Variants in PPEF2 observed in about 807,000 individuals in gnomAD.
PPEF2 encodes protein phosphatase with EF-hand domain 2.
PPEF2 carries 84 observed loss-of-function variants against 84.7 expected under a neutral mutation model. That is an observed-to-expected ratio of 0.99 (90% CI 0.83 to 1.19). PPEF2 has a LOEUF of 1.19. Among genes scored for constraint, PPEF2 ranks in the 50% most tolerant of loss-of-function variants. PPEF2 has a pLI of 0.00. For missense variants in PPEF2, 924 were observed against 937.5 expected, an observed-to-expected ratio of 0.99 and a Z score of 0.19; for synonymous variants, 346 against 345.2, an observed-to-expected ratio of 1.00 and a Z score of -0.03.
In PPEF2 at chr4:75,866,291, T is replaced by C. The variant is rs1724129654; in HGVS notation, c.1818A>G (p.Pro606=). 4 of 1,614,194 alleles carry C rather than the reference T, an allele frequency of 2.5e-6. No homozygotes were observed. The highest frequency in any genetic ancestry group is 3.4e-6 in the Non-Finnish European group (4 of 1,180,040). The part of the protein sequence containing the change: ...AVESVLHLGL[P]WRMLRPQLVN... ...CCAGCTGTGGCCTCAGCATCCGCCA[T>C]GGCAGTCCTAGGTGCAACACAGACT... The change falls in exon 15 of 17, where the codon CCA becomes CCG. Residue 606 remains proline (P), a synonymous_variant. Coordinates refer to ENST00000286719, the MANE Select transcript of PPEF2 (RefSeq NM_006239.3).
At chr4:75,876,774 G>A (rs2149218825) in intron 10 of PPEF2, 101 bp from the exon 11 acceptor site, 3 of 1,306,670 alleles carry the variant, frequency 2.3e-6, no homozygotes, top group South Asian at 1.7e-5. Context: ...GGGAGACTGA[G>A]CCCAGCAGAA....
Position 75,902,229 on chromosome 4 carries a change from C to A in PPEF2, c.-59+1G>T, listed in dbSNP as rs1725138128. ...CTTTAGGCTAGACAGAAAGTTCTTA[C>A]CTTCTTTGCTGGGTTTTTTATTTAC... On this transcript the variant is annotated splice_donor_variant, in intron 1 of 16. Coordinates refer to ENST00000286719, the MANE Select transcript of PPEF2 (RefSeq NM_006239.3). LOFTEE classifies it low-confidence loss of function (5UTR_SPLICE). The A allele has an allele frequency of 2.0e-5, 3 of 152,232 alleles. No individual in the cohort carries two copies. Among genetic ancestry groups the A allele is most frequent in the Non-Finnish European group, 4.4e-5 (3 of 68,044 alleles). 9.4% of individuals were successfully genotyped at this position (152,232 alleles called of 1,614,324 possible).
rs1464358614 is a variant in PPEF2 at position 75,864,540 on chromosome 4, A to C, written c.1921-13T>G. On this transcript the variant is annotated splice_polypyrimidine_tract_variant and intron_variant, in intron 15 of 16. Coordinates refer to ENST00000286719, the MANE Select transcript of PPEF2 (RefSeq NM_006239.3). ...TTGATTGTATGTTCTGCAAGAAAAA[A>C]TTCATTTTCCTTCTTTGTCATACGT... The C allele has an allele frequency of 6.3e-7, 1 of 1,592,312 alleles. No individual in the cohort carries two copies. Among genetic ancestry groups the C allele is most frequent in the East Asian group, 2.2e-5 (1 of 44,728 alleles).
chr4:75,861,430 T>C (rs1424563327), intron 16 of PPEF2, among the ~76,000 whole-genome samples: 1 of 116,188 alleles, frequency 8.6e-6, no homozygotes, highest in African/African-American at 2.6e-5. Flanking sequence ...AATAGTTTTT[T>C]TCAACAATGA....
intron 4 of PPEF2, 85 bp from the exon 5 acceptor site, chr4:75,890,217 A>G: frequency 6.8e-7 from 1 of 1,466,848 alleles, no homozygotes; most frequent in South Asian, 1.3e-5. Context: ...TTGGCTGGGC[A>G]CGGTGGCTCT....
At chr4:75,874,519 G>T (rs893837188) in intron 11 of PPEF2, among the ~76,000 whole-genome samples, 2 of 151,878 alleles carry the variant, frequency 1.3e-5, no homozygotes, top group Non-Finnish European at 2.9e-5. Flanking sequence ...GTCTGTTCTC[G>T]AATTCCTAAC....
intron 10 of PPEF2, among the ~76,000 whole-genome samples, chr4:75,877,330 TC>T (rs1724452410): frequency 7.5e-6 from 1 of 132,488 alleles, no homozygotes; most frequent in African/African-American, 2.9e-5. Context: ...AGAGTGAAAC[TC>T]CATCTCAAAA....
chr4:75,887,084 T>C (rs1724747768), intron 6 of PPEF2, among the ~76,000 whole-genome samples, 186 bp from the exon 7 acceptor site: 1 of 152,210 alleles, frequency 6.6e-6, no homozygotes, highest in Non-Finnish European at 1.5e-5. Context: ...GCAGAAGGCA[T>C]AATATTTTTT....
At chr4:75,886,711 C>A (rs562413899) in intron 7 of PPEF2, 141 bp downstream of exon 7, 3 of 388,562 alleles carry the variant, frequency 7.7e-6, no homozygotes, top group African/African-American at 4.4e-5. Context: ...CAGATTGAGA[C>A]CCCCATCTCA....
intron 10 of PPEF2, chr4:75,881,740 A>G (rs1443282558): frequency 6.6e-6 from 1 of 152,194 alleles, no homozygotes; most frequent in Non-Finnish European, 1.5e-5. Flanking sequence ...GAGTAACAAG[A>G]AACCTGGGTC....
chr4:75,864,521 G>T lies in PPEF2; in HGVS notation c.1927C>A (p.Gln643Lys), dbSNP rs1384609620. The change falls in exon 16 of 17, where the codon CAA becomes AAA. Residue 643 changes from glutamine to lysine, a missense_variant. Physicochemically the swap from Gln to Lys is moderately conservative, Grantham distance 53. Transcript: ENST00000286719. The part of the protein sequence containing the change: ...AKEQLSRENI[Q>K]SSLLETLYRN... ...TACAATGTTTCCAGCAAACTTGATT[G>T]TATGTTCTGCAAGAAAAAATTCATT... The T allele has an allele frequency of 1.2e-6, 2 of 1,610,534 alleles. No homozygotes were observed. Among genetic ancestry groups the T allele is most frequent in the Admixed American group, 1.7e-5 (1 of 59,974 alleles).
intron 15 of PPEF2, among the ~76,000 whole-genome samples, chr4:75,865,684 C>A (rs1173106667): frequency 6.6e-6 from 1 of 152,154 alleles, no homozygotes; most frequent in African/African-American, 2.4e-5. Context: ...CCGCACCCAG[C>A]TGAATTATAC....
intron 13 of PPEF2, among the ~76,000 whole-genome samples, chr4:75,870,143 A>T (rs1724233016): frequency 6.6e-6 from 1 of 152,128 alleles, no homozygotes. Context: ...TTACTACATT[A>T]CTATTACTAC....
intron 11 of PPEF2, 72 bp from the exon 12 acceptor site, chr4:75,873,384 G>A (rs183006255): frequency 8.3e-4 from 1,099 of 1,323,894 alleles, no homozygotes; most frequent in Middle Eastern, 7.6e-4. Context: ...TCAAATGAAA[G>A]GAAGAGGAGG....
At chr4:75,871,993 T>C in intron 13 of PPEF2, 32 bp downstream of exon 13, 1 of 1,547,994 alleles carries the variant, frequency 6.5e-7, no homozygotes, top group Non-Finnish European at 8.7e-7. Context: ...TATAATTTTT[T>C]TTTCTGAAAA....
intron 2 of PPEF2, 68 bp downstream of exon 2, chr4:75,896,203 C>T: frequency 6.5e-7 from 1 of 1,547,236 alleles, no homozygotes; most frequent in Non-Finnish European, 8.9e-7. Flanking sequence ...CTCAGAACCC[C>T]CAACCCTCTC....
At chr4:75,862,589 C>T (rs7681054) in intron 16 of PPEF2, among the ~76,000 whole-genome samples, 150,831 of 152,184 alleles carry the variant, frequency 0.99, 74,762 homozygotes, top group Middle Eastern at 1. Flanking sequence ...AAGTCAAAAC[C>T]GCAGAATGGG....
intron 13 of PPEF2, 131 bp from the exon 14 acceptor site, chr4:75,867,550 G>C (rs772136417): frequency 1.6e-6 from 1 of 621,226 alleles, no homozygotes; most frequent in South Asian, 2.0e-5. Flanking sequence ...GAGGGAGAGC[G>C]CCTTTACTCT....
Position 75,860,492 on chromosome 4 carries a change from A to T in PPEF2, c.*175T>A, listed in dbSNP as rs1030609400. The T allele has an allele frequency of 1.3e-6, 1 of 773,186 alleles. No homozygotes were observed. The highest frequency in any genetic ancestry group is 2.0e-6 in the Non-Finnish European group (1 of 494,016). 47.9% of individuals were successfully genotyped at this position (773,186 alleles called of 1,614,324 possible). On this transcript the variant is annotated 3_prime_UTR_variant, in exon 17 of 17. Transcript: ENST00000286719. ...TGGGGCACTCATATACTTAAAACAC[A>T]TACATACACAACACCCCAACCCACC... is the stretch of plus-strand genomic sequence containing the variant.
Sources: allele counts gnomAD v4.1 joint callset (sites outside exome capture counted in the v4.1 genomes callset), GRCh38; gene constraint gnomAD v4.1.1; transcripts MANE v1.5; gene names NCBI Gene and HGNC (gene_info 2026-07-23, HGNC 2026-07-21).